The following VAV3 variants were observed in gnomAD, a reference collection of about 807,000 sequenced individuals.
VAV3 encodes the protein guanine nucleotide exchange factor VAV3.
VAV3 carries 94 observed loss-of-function variants against 131.2 expected under a neutral mutation model. The observed-to-expected ratio is 0.72, with a 90% confidence interval of 0.61 to 0.85. The LOEUF (loss-of-function observed/expected upper bound fraction) is 0.85. VAV3 is among the 40% of genes least tolerant of loss of function. The pLI is 0.00. For synonymous variants in VAV3, 349 were observed against 342.0 expected (o/e 1.02, Z -0.22); for missense variants, 939 against 1,002.7 (o/e 0.94, Z 0.86).
At position 107,576,249 on chromosome 1, in the gene VAV3, G is replaced by A. The variant is rs1209275687; in HGVS notation, c.2351-2051C>T. 10 of 606,908 alleles carry A rather than the reference G, an allele frequency of 1.6e-5. No homozygotes were observed. The Admixed American group carries it at 3.9e-4, about 23-fold the overall frequency. The allele number at this position is 606,908 out of a possible 1,614,324, so 37.6% of individuals were successfully genotyped here. On this transcript the variant is annotated intron_variant, in intron 25 of 26. Transcript: ENST00000370056. ...GATGAACGGTGACTATGACAGAGAA[G>A]AGTAAAGTGCATGGTGGTAATGGAA...
chr1:107,737,819 T>C (rs1182127630), intron 15 of VAV3, among the ~76,000 whole-genome samples: 1 of 152,150 alleles, frequency 6.6e-6, no homozygotes, highest in Admixed American at 6.5e-5. Context: ...GATCTAGAAC[T>C]AGAAATACCA....
Position 107,798,915 on chromosome 1 carries a change from T to C in VAV3, c.322-19423A>G, listed in dbSNP as rs188161704. ...GATTTTTTTAATGCAAAGATGCTTT[T>C]AGAGTTGTACAACAAGCAGAAATGA... On this transcript the variant is annotated intron_variant, in intron 2 of 26. Coordinates refer to ENST00000370056, the MANE Select transcript of VAV3 (RefSeq NM_006113.5). Among the ~76,000 whole-genome samples, 145 of 152,176 alleles carry C rather than the reference T, an allele frequency of 9.5e-4. 1 individual carries two copies. The highest frequency in any genetic ancestry group is 3.7e-3 in the Admixed American group (57 of 15,294).
chr1:107,738,665 T>G (rs1279615140), intron 15 of VAV3, among the ~76,000 whole-genome samples: 1 of 152,244 alleles, frequency 6.6e-6, no homozygotes, highest in Non-Finnish European at 1.5e-5. Context: ...TAGTAATTCT[T>G]GTGATCTAAT....
chr1:107,697,957 C>T (rs1462267945), intron 17 of VAV3, among the ~76,000 whole-genome samples: 3 of 152,202 alleles, frequency 2.0e-5, no homozygotes, highest in Non-Finnish European at 4.4e-5. Flanking sequence ...GACATATCAT[C>T]ATCACAGATC....
chr1:107,706,015 C>A lies in VAV3; in HGVS notation c.1503-954G>T, dbSNP rs1012719258. Among the ~76,000 whole-genome samples the A allele has an allele frequency of 2.0e-5, 3 of 151,914 alleles. No homozygotes were observed. The South Asian group carries it at 6.2e-4, about 32-fold the overall frequency. ...TTTTTTTACATTATTCTTGGCTTAG[C>A]TATTTAGGTTGCTGCAAAAGTAATT... On this transcript the variant is annotated intron_variant, in intron 15 of 26. Coordinates refer to ENST00000370056, the MANE Select transcript of VAV3 (RefSeq NM_006113.5).
At chr1:107,822,688 ATAAT>A (rs1183181217) in intron 2 of VAV3, among the ~76,000 whole-genome samples, 20 of 137,202 alleles carry the variant, frequency 1.5e-4, no homozygotes, top group Admixed American at 5.8e-4. Flanking sequence ...AAATAAATAA[ATAAT>A]AAAAAAATAA....
intron 20 of VAV3, among the ~76,000 whole-genome samples, chr1:107,621,433 G>A (rs1229799612): frequency 6.6e-6 from 1 of 151,992 alleles, no homozygotes; most frequent in Non-Finnish European, 1.5e-5. Flanking sequence ...GCTTTCTTTG[G>A]TTTCTTGGTG....
At chr1:107,606,483 A>C (rs1411957036) in intron 22 of VAV3, among the ~76,000 whole-genome samples, 2 of 152,022 alleles carry the variant, frequency 1.3e-5, no homozygotes, top group South Asian at 4.1e-4. Flanking sequence ...GGTTCTGAGA[A>C]ATTTCTGTAT....
chr1:107,856,183 G>C (rs952866575), intron 2 of VAV3, among the ~76,000 whole-genome samples: 2 of 152,114 alleles, frequency 1.3e-5, no homozygotes. Context: ...ATGAAATCTG[G>C]GATTCCCAAA....
chr1:107,583,507 A>T (rs997607779), intron 25 of VAV3, among the ~76,000 whole-genome samples: 4 of 152,046 alleles, frequency 2.6e-5, no homozygotes, highest in African/African-American at 9.6e-5. Flanking sequence ...TATCTAGAAA[A>T]CCCCACTGTC....
At chr1:107,612,532 T>C (rs889522154) in intron 21 of VAV3, among the ~76,000 whole-genome samples, 2 of 152,132 alleles carry the variant, frequency 1.3e-5, no homozygotes, top group Non-Finnish European at 2.9e-5. Flanking sequence ...ACAGCTGCTT[T>C]TAAAATCTTT....
At chr1:107,719,084 G>T (rs1002785956) in intron 15 of VAV3, among the ~76,000 whole-genome samples, 15 of 152,262 alleles carry the variant, frequency 9.9e-5, no homozygotes, top group African/African-American at 3.6e-4. Flanking sequence ...TTAAATGTTA[G>T]ACCTAAAACC....
chr1:107,817,137 G>A (rs1180099955), intron 2 of VAV3, among the ~76,000 whole-genome samples: 1 of 152,180 alleles, frequency 6.6e-6, no homozygotes, highest in African/African-American at 2.4e-5. Flanking sequence ...ACTTACTGGG[G>A]AAAGACACAT....
At chr1:107,817,863 G>GA (rs1373227577) in intron 2 of VAV3, among the ~76,000 whole-genome samples, 3 of 152,048 alleles carry the variant, frequency 2.0e-5, no homozygotes, top group South Asian at 4.1e-4. Flanking sequence ...TTTCAGAGCG[G>GA]AAAAAAATGC....
chr1:107,678,422 C>T (rs1658368628), intron 19 of VAV3, among the ~76,000 whole-genome samples: 1 of 151,976 alleles, frequency 6.6e-6, no homozygotes, highest in Non-Finnish European at 1.5e-5. Flanking sequence ...GACAAAAGCT[C>T]ATTTACTAAA....
At chr1:107,754,587 T>A (rs12566129) in intron 12 of VAV3, among the ~76,000 whole-genome samples, 17,433 of 152,236 alleles carry the variant, frequency 0.11, 1,210 homozygotes, top group East Asian at 0.27. Flanking sequence ...TACTCCCTGA[T>A]AGAAACCTTT....
chr1:107,835,807 C>T (rs1207507106), intron 2 of VAV3, among the ~76,000 whole-genome samples: 1 of 152,164 alleles, frequency 6.6e-6, no homozygotes, highest in East Asian at 1.9e-4. Flanking sequence ...CCTCTTACAT[C>T]AACAGACCAC....
chr1:107,716,539 T>C (rs1033875677), intron 15 of VAV3, among the ~76,000 whole-genome samples: 3 of 152,244 alleles, frequency 2.0e-5, no homozygotes, highest in Non-Finnish European at 2.9e-5. Context: ...ATTACGTTTA[T>C]TCATTTGCAT....
At chr1:107,598,185 C>G (rs956915075) in intron 24 of VAV3, among the ~76,000 whole-genome samples, 1 of 152,134 alleles carries the variant, frequency 6.6e-6, no homozygotes. Flanking sequence ...GAAACCCTGT[C>G]TCTACCAAAA....
Sources: gnomAD v4.1 joint callset for allele counts (sites outside exome capture counted in the v4.1 genomes callset) on GRCh38, gnomAD v4.1.1 for gene constraint, MANE v1.5 for transcripts, NCBI Gene and HGNC (gene_info 2026-07-23, HGNC 2026-07-21) for gene names.